Variants in PHF12 observed in about 807,000 individuals in gnomAD.
The protein encoded by PHF12 is PHD finger protein 12.
In PHF12, 6 loss-of-function variants were observed where a neutral mutation model predicts 99.8. That is an observed-to-expected ratio of 0.06 (90% CI 0.03 to 0.12). The LOEUF (loss-of-function observed/expected upper bound fraction) is 0.12, where lower values mean the gene tolerates loss of function less well. PHF12 is among the 10% of genes least tolerant of loss of function. PHF12 has a pLI of 1.00. For missense variants in PHF12, 954 were observed against 1,300.1 expected (o/e 0.73, Z 4.09); for synonymous variants, 480 against 514.9 (o/e 0.93, Z 0.92).
At chr17:28,937,525 A>G (rs2040531839) in intron 2 of PHF12, among the ~76,000 whole-genome samples, 2 of 152,232 alleles carry the variant, frequency 1.3e-5, no homozygotes, top group Non-Finnish European at 2.9e-5. Flanking sequence ...TGCCCCATTG[A>G]GAAACTTAGC....
At chr17:28,928,864 G>A (rs1437543666) in intron 2 of PHF12, among the ~76,000 whole-genome samples, 6 of 152,054 alleles carry the variant, frequency 3.9e-5, no homozygotes, top group Admixed American at 6.6e-5. Flanking sequence ...TTGGGAGGCC[G>A]AGGCAGGCAG....
intron 5 of PHF12, among the ~76,000 whole-genome samples, chr17:28,921,332 A>T (rs1598133649): frequency 6.6e-6 from 1 of 152,028 alleles, no homozygotes; most frequent in South Asian, 2.1e-4. Context: ...CTGGTTCATT[A>T]AAAAAATTTT....
At chr17:28,914,524 T>C (rs1178655595) in intron 7 of PHF12, among the ~76,000 whole-genome samples, 1 of 151,670 alleles carries the variant, frequency 6.6e-6, no homozygotes, top group Non-Finnish European at 1.5e-5. Context: ...TATGAAAAAT[T>C]AGCCGGGCGT....
At chr17:28,907,780 CAG>C (rs1298194653) in intron 12 of PHF12, 108 bp from the exon 13 acceptor site, 5 of 981,720 alleles carry the variant, frequency 5.1e-6, no homozygotes, top group African/African-American at 3.2e-5. Context: ...TTGGCACTAG[CAG>C]AGACTTCAAG....
Position 28,951,076 on chromosome 17 carries a change from G to C in PHF12, c.-116C>G. ...CGGCCCCGCTTTTTTCCCAATACGGGTCCCGACTTCCTCGCCCTGGCTCCC... is the reference window on the plus strand; with the variant it reads ...CGGCCCCGCTTTTTTCCCAATACGGCTCCCGACTTCCTCGCCCTGGCTCCC... On this transcript the variant is annotated 5_prime_UTR_variant, in exon 1 of 15. Coordinates refer to ENST00000332830, the MANE Select transcript of PHF12 (RefSeq NM_001033561.2). 1 of 1,531,142 alleles carries C rather than the reference G, an allele frequency of 6.5e-7. No individual in the cohort carries two copies. The highest frequency in any genetic ancestry group is 8.8e-7 in the Non-Finnish European group (1 of 1,137,986). The allele number at this position is 1,531,142 out of a possible 1,614,324, so 94.8% of individuals were successfully genotyped here. A position where few individuals can be genotyped will look rare whatever the true frequency, so the allele number is the denominator to read the frequency against.
At chr17:28,909,665 A>C (rs2039926312) in intron 11 of PHF12, 1 of 177,176 alleles carries the variant, frequency 5.6e-6, no homozygotes, top group South Asian at 1.3e-4. Context: ...ATCATAGCTC[A>C]CTGCAGCCTT....
intron 7 of PHF12, among the ~76,000 whole-genome samples, chr17:28,914,670 T>TAAA (rs1197067001): frequency 5.6e-5 from 1 of 17,814 alleles, no homozygotes; most frequent in Non-Finnish European, 8.7e-5. Flanking sequence ...AGACTCCGTC[T>TAAA]CAAAAAAAAA....
chr17:28,925,459 A>G (rs2040254243), intron 3 of PHF12: 1 of 152,314 alleles, frequency 6.6e-6, no homozygotes, highest in South Asian at 2.1e-4. Context: ...TTCAGTGTAA[A>G]TACAAGAGGC....
At position 28,913,294 on chromosome 17, in the gene PHF12, G is replaced by T; in HGVS notation, c.1294-17C>A. 6.3e-7 allele frequency: 1 copy of T among 1,587,060 alleles called. No individual in the cohort carries two copies. The highest frequency in any genetic ancestry group is 2.2e-5 in the East Asian group (1 of 44,624). On this transcript the variant is annotated splice_polypyrimidine_tract_variant and intron_variant, in intron 8 of 14. Coordinates refer to ENST00000332830, the MANE Select transcript of PHF12 (RefSeq NM_001033561.2). ...ACAGAGCCACTGCAATGGAAGGAGA[G>T]GAGAGGGGGGTGAGAAGCCTGAGAG... is the stretch of plus-strand genomic sequence containing the variant.
intron 9 of PHF12, 91 bp from the exon 10 acceptor site, chr17:28,911,328 A>G (rs760004885): frequency 6.5e-7 from 1 of 1,531,208 alleles, no homozygotes; most frequent in Admixed American, 1.9e-5. Flanking sequence ...TGGATTTCGG[A>G]CCCAAGGTGA....
At chr17:28,946,202 TACTATC>T (rs1423570083) in intron 2 of PHF12, among the ~76,000 whole-genome samples, 10 of 152,226 alleles carry the variant, frequency 6.6e-5, no homozygotes, top group African/African-American at 2.4e-4. Context: ...TAGTAACCCC[TACTATC>T]ACTCTGAATA....
At chr17:28,939,849 T>G (rs1271304111) in intron 2 of PHF12, among the ~76,000 whole-genome samples, 1 of 152,202 alleles carries the variant, frequency 6.6e-6, no homozygotes, top group Non-Finnish European at 1.5e-5. Flanking sequence ...CTGCCTGGCT[T>G]GGAGGTAAAG....
In PHF12 at chr17:28,912,486, C is replaced by T. The variant is rs1335499452; in HGVS notation, c.2085G>A (p.Ser695=). Residue 695 remains serine, a synonymous_variant, in exon 9 of 15, where the codon TCG becomes TCA. Coordinates refer to ENST00000332830, the MANE Select transcript of PHF12 (RefSeq NM_001033561.2). ...ANQRFSSPAP[S]SDGKVSPGTL... is the part of the protein sequence containing the mutation. ...CCAAGGCTGAGCAGCACTCACCTGA[C>T]GATGGCGCTGGTGAGCTGAATCGTT... The T allele has an allele frequency of 1.0e-5, 16 of 1,592,000 alleles. No individual in the cohort carries two copies. Among genetic ancestry groups the T allele is most frequent in the South Asian group, 2.3e-5 (2 of 87,946 alleles).
chr17:28,933,781 C>CCTGTAA (rs2040457529), intron 2 of PHF12, among the ~76,000 whole-genome samples: 1 of 152,166 alleles, frequency 6.6e-6, no homozygotes, highest in African/African-American at 2.4e-5. Flanking sequence ...CAGGCTGTAG[C>CCTGTAA]TCATATCTGT....
chr17:28,919,279 C>CA lies in PHF12; in HGVS notation c.837-5dup. On this transcript the variant is annotated splice_polypyrimidine_tract_variant and splice_region_variant and intron_variant, in intron 5 of 14. Transcript: ENST00000332830. ...GAGAGGAGCCACACGGCAACTCCTG[C>CA]AAAAAAGAGATGTTGGCCATTTCTG... 1 of 1,607,086 alleles carries CA rather than the reference C, an allele frequency of 6.2e-7. No individual in the cohort carries two copies.
At position 28,914,017 on chromosome 17, in the gene PHF12, A is replaced by C; in HGVS notation, c.1155T>G (p.Ser385=). The change falls in exon 8 of 15, where the codon TCT becomes TCG. Residue 385 remains serine (S), a synonymous_variant. Transcript: ENST00000332830. ...TGAGAGGGGGTGGAAACTGGTACTG[A>C]GATTTTATAGCATCAGGAACCTGTT... The part of the protein sequence containing the change: ...RSLKVPDAIK[S]QYQFPPPLIA... The C allele has an allele frequency of 6.2e-7, 1 of 1,611,158 alleles. No individual in the cohort carries two copies. The highest frequency in any genetic ancestry group is 8.5e-7 in the Non-Finnish European group (1 of 1,177,564).
chr17:28,906,491 C>CGTCCTGTTT lies in PHF12; in HGVS notation c.2698_2706dup (p.Lys900_Asp902dup). ...ATGGCTGCCTCCTCACTTGGCTCTT[C>CGTCCTGTTT]GTCCTGTTTCTGGTGCCGGCGGCGC... is the stretch of plus-strand genomic sequence containing the variant. On this transcript the variant is annotated inframe_insertion, in exon 15 of 15. Coordinates refer to ENST00000332830, the MANE Select transcript of PHF12 (RefSeq NM_001033561.2). This position sits in a 1 kb window ranked among gnomAD's most constrained non-coding sequence, Gnocchi z 4.2. 2 of 1,606,054 alleles carry CGTCCTGTTT rather than the reference C, an allele frequency of 1.2e-6. No homozygotes were observed.
chr17:28,921,653 A>G (rs928560367), intron 5 of PHF12, 35 bp downstream of exon 5: 2 of 1,607,878 alleles, frequency 1.2e-6, no homozygotes, highest in Admixed American at 3.4e-5. Flanking sequence ...TCTGCTAAAT[A>G]ATGAGAAAGA....
intron 4 of PHF12, among the ~76,000 whole-genome samples, chr17:28,922,780 C>T (rs1413996313): frequency 6.6e-6 from 1 of 152,006 alleles, no homozygotes; most frequent in Non-Finnish European, 1.5e-5. Context: ...TACTATGCAA[C>T]CATTAAAAAA....
Sources: allele counts gnomAD v4.1 joint callset (sites outside exome capture counted in the v4.1 genomes callset), GRCh38; gene constraint gnomAD v4.1.1; non-coding constraint Gnocchi (gnomAD v3.1); transcripts MANE v1.5; gene names NCBI Gene and HGNC (gene_info 2026-07-23, HGNC 2026-07-21).